PDE6C: variants seen among roughly 807,000 people sequenced by gnomAD.
PDE6C encodes phosphodiesterase 6C.
In PDE6C, 75 loss-of-function variants were observed where a neutral mutation model predicts 113.1. That is an observed-to-expected ratio of 0.66 (90% CI 0.55 to 0.80). PDE6C has a LOEUF of 0.80. Ranked by LOEUF, PDE6C falls within the 30% of genes least tolerant of loss-of-function variation. The pLI, the probability that PDE6C is intolerant of heterozygous loss-of-function variation, is 0.00. For missense variants in PDE6C, 912 were observed against 1,038.6 expected (o/e 0.88, Z 1.67); for synonymous variants, 375 against 363.7 (o/e 1.03, Z -0.35).
At chr10:93,630,465 CA>C (rs1009532274) in intron 8 of PDE6C, among the ~76,000 whole-genome samples, 3 of 151,914 alleles carry the variant, frequency 2.0e-5, no homozygotes, top group South Asian at 4.2e-4. Context: ...TCATCTCTGC[CA>C]CCCACTCCCC....
At chr10:93,615,185 G>A (rs2058414534) in intron 1 of PDE6C, among the ~76,000 whole-genome samples, 1 of 152,112 alleles carries the variant, frequency 6.6e-6, no homozygotes, top group South Asian at 2.1e-4. Flanking sequence ...CCAGCTACTT[G>A]GAAGGTTGAG....
chr10:93,632,478 T>C (rs2058506449), intron 8 of PDE6C, among the ~76,000 whole-genome samples: 1 of 152,216 alleles, frequency 6.6e-6, no homozygotes, highest in Non-Finnish European at 1.5e-5. Flanking sequence ...CTACTAATTT[T>C]TCTTAAACCT....
At chr10:93,647,941 A>G (rs2058592238) in intron 15 of PDE6C, among the ~76,000 whole-genome samples, 1 of 152,182 alleles carries the variant, frequency 6.6e-6, no homozygotes, top group Non-Finnish European at 1.5e-5. Context: ...GGTTGAGACA[A>G]TCTTTGGTTT....
At position 93,662,142 on chromosome 10, in the gene PDE6C, T is replaced by C. The variant is rs1444599754; in HGVS notation, c.2283+9T>C. ...TGCAGCAACAACCCATTGTAAGACCTTGACATAAAAATGTATTACTTATTA... is the reference window on the plus strand; with the variant it reads ...TGCAGCAACAACCCATTGTAAGACCCTGACATAAAAATGTATTACTTATTA... On this transcript the variant is annotated intron_variant, in intron 19 of 21. Transcript: ENST00000371447. 4 of 1,568,226 alleles carry C rather than the reference T, an allele frequency of 2.6e-6. No homozygotes were observed. The highest frequency in any genetic ancestry group is 2.2e-5 in the South Asian group (2 of 90,174).
chr10:93,634,710 C>G (rs745721623), intron 8 of PDE6C, 48 bp from the exon 9 acceptor site: 49 of 1,604,330 alleles, frequency 3.1e-5, no homozygotes, highest in Middle Eastern at 1.6e-4. Context: ...ATGATTATTT[C>G]AAACTAAAAA....
intron 16 of PDE6C, 129 bp downstream of exon 16, chr10:93,655,989 C>CACAT (rs1236883109): frequency 9.7e-6 from 7 of 723,360 alleles, no homozygotes; most frequent in Non-Finnish European, 1.5e-5. Flanking sequence ...CACACACACA[C>CACAT]ACATACACAC....
rs191527810 is a variant in PDE6C at position 93,638,537 on chromosome 10, T to C, written c.1482+1474T>C. Among the ~76,000 whole-genome samples the C allele has an allele frequency of 4.6e-5, 7 of 152,350 alleles. No homozygotes were observed. The East Asian group carries it at 1.3e-3, about 29-fold the overall frequency. ...TCACCAGAAATTCTCTAATTTCTTA[T>C]TTAAAGGAAGAAGGATCTTATGTTG... On this transcript the variant is annotated intron_variant, in intron 11 of 21. Coordinates refer to ENST00000371447, the MANE Select transcript of PDE6C (RefSeq NM_006204.4).
In PDE6C at chr10:93,665,722, G is replaced by T. The variant is rs1001355268; in HGVS notation, c.*304G>T. 4.0e-5 allele frequency: 15 copies of T among 375,402 alleles called. No individual in the cohort carries two copies. The Admixed American group carries it at 6.2e-4, about 15-fold the overall frequency. 23.3% of individuals were successfully genotyped at this position (375,402 alleles called of 1,614,324 possible). On this transcript the variant is annotated 3_prime_UTR_variant, in exon 22 of 22. Transcript: ENST00000371447. ...ACATTAATTGTATTTATTTGCTAAG[G>T]CTGCTATAACAAAGTACCACAGACT...
At chr10:93,633,936 A>C (rs894845836) in intron 8 of PDE6C, among the ~76,000 whole-genome samples, 9 of 152,162 alleles carry the variant, frequency 5.9e-5, no homozygotes, top group Admixed American at 4.6e-4. Flanking sequence ...ACTCTATTGG[A>C]TGTGCTAGAG....
intron 9 of PDE6C, among the ~76,000 whole-genome samples, chr10:93,635,247 C>G (rs1475813373): frequency 2.0e-5 from 3 of 152,144 alleles, no homozygotes; most frequent in Non-Finnish European, 4.4e-5. Context: ...ATTTTTAGGT[C>G]CTGCTTGACT....
intron 20 of PDE6C, 140 bp from the exon 21 acceptor site, chr10:93,662,888 A>C: frequency 2.6e-6 from 2 of 773,460 alleles, no homozygotes; most frequent in South Asian, 1.6e-5. Flanking sequence ...CTCTTTCCCA[A>C]ACTTCATAGG....
intron 7 of PDE6C, among the ~76,000 whole-genome samples, chr10:93,627,828 G>T (rs2058481329): frequency 6.6e-6 from 1 of 152,112 alleles, no homozygotes; most frequent in Admixed American, 6.5e-5. Flanking sequence ...AAATTCTTAG[G>T]CTATATATGC....
At chr10:93,620,358 C>T (rs2058439529) in intron 1 of PDE6C, among the ~76,000 whole-genome samples, 1 of 152,142 alleles carries the variant, frequency 6.6e-6, no homozygotes. Context: ...TTCCACTTGG[C>T]TGTCTGATCA....
At chr10:93,629,704 G>C (rs1356548551) in intron 8 of PDE6C, among the ~76,000 whole-genome samples, 1 of 152,122 alleles carries the variant, frequency 6.6e-6, no homozygotes, top group African/African-American at 2.4e-5. Context: ...CATAAGGACG[G>C]CACAACCCAG....
intron 18 of PDE6C, among the ~76,000 whole-genome samples, chr10:93,661,376 A>G (rs1309818981): frequency 2.0e-5 from 3 of 152,114 alleles, no homozygotes; most frequent in African/African-American, 7.2e-5. Flanking sequence ...TCACAATACA[A>G]CATAAATGCC....
chr10:93,617,614 A>C lies in PDE6C; in HGVS notation c.481-3018A>C, dbSNP rs944805024. On this transcript the variant is annotated intron_variant, in intron 1 of 21. Coordinates refer to ENST00000371447, the MANE Select transcript of PDE6C (RefSeq NM_006204.4). ...CACAGTGAAAACCTGTCCCTACTAA[A>C]AATACAAAAATTAGCCAGGTGTGGT... Among the ~76,000 whole-genome samples the C allele has an allele frequency of 2.0e-5, 3 of 152,228 alleles. No homozygotes were observed. The East Asian group carries it at 5.8e-4, about 29-fold the overall frequency.
At chr10:93,657,765 TAAG>T (rs2058645708) in intron 16 of PDE6C, among the ~76,000 whole-genome samples, 1 of 151,994 alleles carries the variant, frequency 6.6e-6, no homozygotes, top group African/African-American at 2.4e-5. Context: ...AGAGTTTCTC[TAAG>T]AAATGTAAAA....
chr10:93,659,247 C>T (rs2133877439), intron 18 of PDE6C, 80 bp downstream of exon 18: 3 of 945,842 alleles, frequency 3.2e-6, no homozygotes, highest in Non-Finnish European at 5.1e-6. Context: ...CTAAAGATCT[C>T]AGGCAACCTC....
chr10:93,663,069 T>G lies in PDE6C; in HGVS notation c.2409T>G (p.Ser803Arg), dbSNP rs142641759. The change falls in exon 21 of 22, where the codon AGT (serine) becomes AGG (arginine). Residue 803 changes from serine (S) to arginine (R), a missense_variant. By Grantham distance (110) the Ser-to-Arg change is moderately radical. Coordinates refer to ENST00000371447, the MANE Select transcript of PDE6C (RefSeq NM_006204.4). ...RFHKEITPMLSGLQNNRVEWK... is the reference protein window; with the variant it reads ...RFHKEITPMLRGLQNNRVEWK... ...ACAAAGAAATCACACCTATGCTGAG[T>G]GGTCTTCAGAATAACAGAGTAGAAT... 3 of 1,612,468 alleles carry G rather than the reference T, an allele frequency of 1.9e-6. No homozygotes were observed. The highest frequency in any genetic ancestry group is 3.3e-5 in the Admixed American group (2 of 59,968).
Sources: gnomAD v4.1 joint callset for allele counts (sites outside exome capture counted in the v4.1 genomes callset) on GRCh38, gnomAD v4.1.1 for gene constraint, MANE v1.5 for transcripts, NCBI Gene and HGNC (gene_info 2026-07-23, HGNC 2026-07-21) for gene names.